TROAP: variants seen among roughly 807,000 people sequenced by gnomAD.
The protein encoded by TROAP is trophinin associated protein.
In TROAP, 62 loss-of-function variants were observed where a neutral mutation model predicts 83.4. That is an observed-to-expected ratio of 0.74 (90% CI 0.61 to 0.92). The LOEUF (loss-of-function observed/expected upper bound fraction) is 0.92. Ranked by LOEUF, TROAP falls within the 40% of genes least tolerant of loss-of-function variation. The pLI is 0.00. For missense variants in TROAP, 876 were observed against 985.1 expected (o/e 0.89, Z 1.48); for synonymous variants, 352 against 386.4 (o/e 0.91, Z 1.04).
chr12:49,328,733 G>A (rs901209826), intron 8 of TROAP, among the ~76,000 whole-genome samples, 194 bp from the exon 9 acceptor site: 29 of 152,090 alleles, frequency 1.9e-4, no homozygotes, highest in African/African-American at 4.8e-4. Flanking sequence ...GCATGGTGGC[G>A]GGCACCTGTA....
chr12:49,325,426 C>T, intron 3 of TROAP, 75 bp from the exon 4 acceptor site: 1 of 1,471,178 alleles, frequency 6.8e-7, no homozygotes, highest in Non-Finnish European at 9.1e-7. Context: ...CACCTTGTAC[C>T]TCAAAGTTCC....
intron 3 of TROAP, among the ~76,000 whole-genome samples, chr12:49,325,081 T>TTTTTTG (rs1285048825): frequency 3.3e-5 from 5 of 151,828 alleles, no homozygotes; most frequent in Non-Finnish European, 5.9e-5. Context: ...CAGCTAATTT[T>TTTTTTG]TTTTTGTTTT....
At chr12:49,326,048 G>A (rs553588724) in intron 5 of TROAP, 28 bp from the exon 6 acceptor site, 53 of 1,612,254 alleles carry the variant, frequency 3.3e-5, no homozygotes, top group African/African-American at 1.2e-4. Flanking sequence ...CTCTGATTCC[G>A]TTTTCATCTC....
chr12:49,324,346 A>AAAAT (rs562607745), intron 3 of TROAP: 172 of 583,268 alleles, frequency 2.9e-4, no homozygotes, highest in East Asian at 2.7e-3. Flanking sequence ...ATCTCTTTAA[A>AAAAT]AAATAAATAA....
intron 8 of TROAP, among the ~76,000 whole-genome samples, chr12:49,328,064 G>A (rs1943526177): frequency 6.6e-6 from 1 of 151,900 alleles, no homozygotes; most frequent in South Asian, 2.1e-4. Context: ...AGCAGAGTAA[G>A]AAGAACAGTA....
chr12:49,325,366 T>TA (rs541818565), intron 3 of TROAP, 135 bp from the exon 4 acceptor site: 103,977 of 766,356 alleles, frequency 0.14, 938 homozygotes, highest in Non-Finnish European at 0.14. Flanking sequence ...ATCTATTTCT[T>TA]AAAAAAAAAA....
rs1180492813 is a variant in TROAP, at chr12:49,325,526, G to T, written c.363G>T (p.Val121=). The T allele has an allele frequency of 6.2e-7, 1 of 1,613,964 alleles. No individual in the cohort carries two copies. Among genetic ancestry groups the T allele is most frequent in the African/African-American group, 1.3e-5 (1 of 75,004 alleles). ...AGGCTCCAGGGACCATAGAGTTTGTGGCTGACCCTGCAGCCCTGGCCACCA... is the reference window on the plus strand; with the variant it reads ...AGGCTCCAGGGACCATAGAGTTTGTTGCTGACCCTGCAGCCCTGGCCACCA... ...QTEAPGTIEF[V]ADPAALATIL... The change falls in exon 4 of 15, where the codon GTG becomes GTT. Residue 121 remains valine, a synonymous_variant. Coordinates refer to ENST00000257909, the MANE Select transcript of TROAP (RefSeq NM_005480.4).
intron 7 of TROAP, 111 bp from the exon 8 acceptor site, chr12:49,327,098 A>G: frequency 3.0e-6 from 4 of 1,352,860 alleles, no homozygotes; most frequent in Non-Finnish European, 4.1e-6. Flanking sequence ...TGTCCCTAAT[A>G]GTGCAATGGG....
chr12:49,328,496 T>C (rs953248684), intron 8 of TROAP, among the ~76,000 whole-genome samples: 2 of 152,110 alleles, frequency 1.3e-5, no homozygotes, highest in African/African-American at 2.4e-5. Context: ...GTGCTGGGAT[T>C]ACAGGCCTGA....
chr12:49,326,247 AG>A, intron 6 of TROAP, 89 bp downstream of exon 6: 1 of 1,315,326 alleles, frequency 7.6e-7, no homozygotes, highest in Non-Finnish European at 1.1e-6. Flanking sequence ...GGGGCCTTCC[AG>A]GAGCTTTAGG....
intron 7 of TROAP, among the ~76,000 whole-genome samples, chr12:49,326,966 C>T (rs533938013): frequency 8.5e-5 from 13 of 152,298 alleles, no homozygotes; most frequent in African/African-American, 3.1e-4. Context: ...ATTTATCTTC[C>T]ACTCACTGTT....
intron 6 of TROAP, 149 bp downstream of exon 6, chr12:49,326,307 G>T: frequency 1.2e-6 from 1 of 804,298 alleles, no homozygotes; most frequent in Non-Finnish European, 2.0e-6. Flanking sequence ...GATTACCCGG[G>T]ATGAGCCCTT....
At position 49,329,422 on chromosome 12, in the gene TROAP, C is replaced by T; in HGVS notation, c.1132C>T (p.Gln378Ter). Residue 378 changes from glutamine to a stop codon, truncating the protein, a stop_gained, in exon 11 of 15, where the codon CAG (glutamine) becomes TAG (stop). Coordinates refer to ENST00000257909, the MANE Select transcript of TROAP (RefSeq NM_005480.4). LOFTEE classifies it high-confidence loss of function. The surrounding 1 kb of genome is among the most constrained non-coding windows in gnomAD (Gnocchi z 4.5). ...QAQWLRGVSP[Q>*]SCSEDPALPW... ...CCAGTGGCTGCGTGGTGTCTCCCCTCAGTCCTGCTCTGAAGATCCTGCCCT... is the reference window on the plus strand; with the variant it reads ...CCAGTGGCTGCGTGGTGTCTCCCCTTAGTCCTGCTCTGAAGATCCTGCCCT... 1 of 1,612,284 alleles carries T rather than the reference C, an allele frequency of 6.2e-7. No homozygotes were observed. Among genetic ancestry groups the T allele is most frequent in the Non-Finnish European group, 8.5e-7 (1 of 1,178,916 alleles).
chr12:49,323,472 C>G, intron 1 of TROAP, 123 bp downstream of exon 1: 1 of 1,287,786 alleles, frequency 7.8e-7, no homozygotes, highest in Non-Finnish European at 1.1e-6. Context: ...TAAGAGCGGT[C>G]TTGCAGGCGC....
chr12:49,325,405 A>T, intron 3 of TROAP, 96 bp from the exon 4 acceptor site: 7 of 1,166,184 alleles, frequency 6.0e-6, no homozygotes, highest in Non-Finnish European at 8.2e-6. Flanking sequence ...CAATTGAATG[A>T]GTCTCTTGCT....
At chr12:49,328,858 C>T (rs1320974393) in intron 8 of TROAP, 69 bp from the exon 9 acceptor site, 39 of 1,494,076 alleles carry the variant, frequency 2.6e-5, no homozygotes, top group Middle Eastern at 1.8e-4. Context: ...AGCGAGACTC[C>T]GTATCAAAAA....
Position 49,325,601 on chromosome 12 carries a change from T to C in TROAP, c.438T>C (p.Ser146=). 2 of 1,613,826 alleles carry C rather than the reference T, an allele frequency of 1.2e-6. No homozygotes were observed. Among genetic ancestry groups the C allele is most frequent in the Non-Finnish European group, 1.7e-6 (2 of 1,179,982 alleles). The change falls in exon 4 of 15, where the codon AGT becomes AGC. Residue 146 remains serine (S), a synonymous_variant. Transcript: ENST00000257909. ...VKSCHLGRQP[S]LAKRVLVRGS... ...GCTGTCACCTGGGGCGCCAGCCTAG[T>C]CTGGCTAAAAGAGTACTGGTTCGAG...
Position 49,330,756 on chromosome 12 carries a change from T to C in TROAP, c.1911T>C (p.Pro637=). 6.2e-7 allele frequency: 1 copy of C among 1,613,966 alleles called. No homozygotes were observed. Among genetic ancestry groups the C allele is most frequent in the Non-Finnish European group, 8.5e-7 (1 of 1,179,940 alleles). The change falls in exon 13 of 15, where the codon CCT becomes CCC. Residue 637 remains proline, a synonymous_variant. Coordinates refer to ENST00000257909, the MANE Select transcript of TROAP (RefSeq NM_005480.4). ...AGTCTGGACCCCCAGGGCCCTGCCC[T>C]AGGGTAGAGCTGGGGGCATCAGAGC... ...QGQSGPPGPC[P]RVELGASEPC...
At chr12:49,331,147 G>A in intron 13 of TROAP, 67 bp from the exon 14 acceptor site, 1 of 1,600,028 alleles carries the variant, frequency 6.2e-7, no homozygotes, top group East Asian at 2.2e-5. Context: ...TGGGGGAGGA[G>A]GAGAGGACAG....
Sources: allele counts gnomAD v4.1 joint callset (sites outside exome capture counted in the v4.1 genomes callset), GRCh38; gene constraint gnomAD v4.1.1; non-coding constraint Gnocchi (gnomAD v3.1); transcripts MANE v1.5; gene names NCBI Gene and HGNC (gene_info 2026-07-23, HGNC 2026-07-21).